Variants in PTPRN2 observed in about 807,000 individuals in gnomAD.
PTPRN2 encodes the protein receptor-type tyrosine-protein phosphatase N2.
PTPRN2 carries 74 observed loss-of-function variants against 118.8 expected under a neutral mutation model. The observed-to-expected ratio is 0.62, with a 90% confidence interval of 0.52 to 0.76. The LOEUF (loss-of-function observed/expected upper bound fraction) is 0.76, where lower values mean the gene tolerates loss of function less well. PTPRN2 is among the 30% of genes least tolerant of loss of function. The probability of loss-of-function intolerance (pLI) is 0.00; values close to 1 mark genes in which losing one functional copy is unlikely to be tolerated. For missense variants in PTPRN2, 1,481 were observed against 1,394.4 expected, an observed-to-expected ratio of 1.06 and a Z score of -0.99; for synonymous variants, 641 against 608.0, an observed-to-expected ratio of 1.05 and a Z score of -0.80.
In PTPRN2 at chr7:157,813,314, C is replaced by G. The variant is rs2151121841; in HGVS notation, c.1788+85359G>C. On this transcript the variant is annotated intron_variant, in intron 12 of 22. Transcript: ENST00000389418. This position sits in a 1 kb window ranked among gnomAD's most constrained non-coding sequence, Gnocchi z 4.7. ...CTGTGGGGTGTGAGTCCAGCCAGTG[C>G]TGGGAAGCCGGTGTGGCTAGGACAA... Among the ~76,000 whole-genome samples the G allele has an allele frequency of 6.6e-6, 1 of 152,258 alleles. No homozygotes were observed. The highest frequency in any genetic ancestry group is 1.5e-5 in the Non-Finnish European group (1 of 68,030).
chr7:157,850,604 A>G (rs1809204906), intron 12 of PTPRN2, among the ~76,000 whole-genome samples: 1 of 152,152 alleles, frequency 6.6e-6, no homozygotes. Context: ...CCACAGACTA[A>G]CTTATTCAGC....
At chr7:157,782,995 C>T (rs550625220) in intron 12 of PTPRN2, among the ~76,000 whole-genome samples, 1 of 152,310 alleles carries the variant, frequency 6.6e-6, no homozygotes, top group East Asian at 1.9e-4. Flanking sequence ...GAGGTAATTG[C>T]ATCACAGGGG....
chr7:158,242,142 T>C (rs1218117838), intron 3 of PTPRN2, among the ~76,000 whole-genome samples: 1 of 152,102 alleles, frequency 6.6e-6, no homozygotes, highest in African/African-American at 2.4e-5. Context: ...CCTGTAACCA[T>C]TCATCCCTGG....
chr7:157,811,655 G>C (rs549291880), intron 12 of PTPRN2, among the ~76,000 whole-genome samples: 1 of 152,168 alleles, frequency 6.6e-6, no homozygotes, highest in South Asian at 2.1e-4. Flanking sequence ...GCTAAGCTTG[G>C]GGAACCTGAT....
At chr7:158,193,927 G>C (rs1284645616) in intron 4 of PTPRN2, among the ~76,000 whole-genome samples, 2 of 140,520 alleles carry the variant, frequency 1.4e-5, no homozygotes, top group African/African-American at 2.7e-5. Context: ...AAAAAAAAAG[G>C]AATATAATGT....
intron 11 of PTPRN2, among the ~76,000 whole-genome samples, chr7:157,912,794 A>G (rs767761682): frequency 1.3e-5 from 2 of 152,118 alleles, no homozygotes; most frequent in Non-Finnish European, 1.5e-5. Context: ...CCTGTTATCA[A>G]TCAGTTCTAT....
intron 21 of PTPRN2, among the ~76,000 whole-genome samples, chr7:157,564,499 G>A (rs776447662): frequency 2.6e-5 from 4 of 152,232 alleles, no homozygotes; most frequent in African/African-American, 4.8e-5. Context: ...AAAAAACCCC[G>A]ATGTAATGGG....
At chr7:158,266,495 T>G (rs1328711263) in intron 3 of PTPRN2, among the ~76,000 whole-genome samples, 5 of 117,892 alleles carry the variant, frequency 4.2e-5, no homozygotes, top group African/African-American at 1.3e-4. Flanking sequence ...TCCGCTGCAG[T>G]GTGATGTCTG....
intron 4 of PTPRN2, among the ~76,000 whole-genome samples, chr7:158,202,719 A>G (rs1007678187): frequency 1.3e-5 from 2 of 152,242 alleles, no homozygotes; most frequent in Admixed American, 1.3e-4. Context: ...CAAAGAAAGA[A>G]TTTAGAAATC....
chr7:158,089,290 C>T lies in PTPRN2; in HGVS notation c.1644-7913G>A, dbSNP rs1160898435. ...CCTGAGGAAAGAGGGAGTCTTCACA[C>T]AAACCTTCTTCCCCTGATGAAGGAA... On this transcript the variant is annotated intron_variant, in intron 10 of 22. Transcript: ENST00000389418. 6.8e-5 allele frequency among the ~76,000 whole-genome samples: 2 copies of T among 29,412 alleles called. 1 individual carries two copies. Among genetic ancestry groups the T allele is most frequent in the Non-Finnish European group, 2.1e-4 (2 of 9,624 alleles). The allele number at this position is 29,412 out of a possible 152,430, so 19.3% of individuals were successfully genotyped here.
At chr7:157,688,848 T>G (rs1464983950) in intron 12 of PTPRN2, among the ~76,000 whole-genome samples, 4 of 150,038 alleles carry the variant, frequency 2.7e-5, no homozygotes, top group African/African-American at 9.8e-5. Flanking sequence ...TCCCCGTCCC[T>G]CCCCCCTCGC....
At chr7:157,910,630 G>A (rs1465387675) in intron 11 of PTPRN2, among the ~76,000 whole-genome samples, 7 of 152,200 alleles carry the variant, frequency 4.6e-5, no homozygotes, top group African/African-American at 1.7e-4. Context: ...TAACCTGATC[G>A]TTTGTATGCA....
intron 2 of PTPRN2, among the ~76,000 whole-genome samples, chr7:158,428,684 TAGTC>T (rs1282218688): frequency 6.6e-6 from 1 of 152,166 alleles, no homozygotes; most frequent in African/African-American, 2.4e-5. Context: ...GGGTCGTTTT[TAGTC>T]AGTGATCCAA....
At chr7:158,031,019 A>C (rs1807649490) in intron 11 of PTPRN2, 1 of 151,534 alleles carries the variant, frequency 6.6e-6, no homozygotes, top group African/African-American at 2.4e-5. Context: ...CATCACGTTG[A>C]ATAATATCCT....
At chr7:158,170,901 G>C (rs1823483830) in intron 5 of PTPRN2, among the ~76,000 whole-genome samples, 1 of 151,678 alleles carries the variant, frequency 6.6e-6, no homozygotes, top group South Asian at 2.1e-4. Context: ...AATAGTATCT[G>C]GCACGGAAGT....
chr7:158,299,029 G>A (rs1346044316), intron 3 of PTPRN2, among the ~76,000 whole-genome samples: 1 of 152,174 alleles, frequency 6.6e-6, no homozygotes, highest in Non-Finnish European at 1.5e-5. Flanking sequence ...TTCAAATCCA[G>A]CAGGATGTTC....
intron 11 of PTPRN2, among the ~76,000 whole-genome samples, chr7:158,058,652 C>A (rs1164711278): frequency 2.6e-5 from 2 of 77,420 alleles, no homozygotes; most frequent in East Asian, 4.3e-4. Flanking sequence ...CTCCATCTGC[C>A]CACGGTGAGA....
At chr7:158,266,719 C>G (rs1188771442) in intron 3 of PTPRN2, among the ~76,000 whole-genome samples, 2 of 152,204 alleles carry the variant, frequency 1.3e-5, no homozygotes, top group Non-Finnish European at 2.9e-5. Context: ...TTAACCTGGG[C>G]AGAGAGATGA....
intron 1 of PTPRN2, among the ~76,000 whole-genome samples, chr7:158,545,577 G>A (rs373777199): frequency 7.3e-4 from 111 of 152,242 alleles, no homozygotes; most frequent in South Asian, 1.5e-3. Context: ...ACCCCGCTCC[G>A]TGTGGCTGAT....
Sources: allele counts gnomAD v4.1 joint callset (sites outside exome capture counted in the v4.1 genomes callset), GRCh38; gene constraint gnomAD v4.1.1; non-coding constraint Gnocchi (gnomAD v3.1); transcripts MANE v1.5; gene names NCBI Gene and HGNC (gene_info 2026-07-23, HGNC 2026-07-21).